OPCML: variants seen among roughly 807,000 people sequenced by gnomAD.
OPCML encodes opioid-binding protein/cell adhesion molecule.
A neutral mutation model predicts 37.8 loss-of-function variants in OPCML; 13 were observed. That is an observed-to-expected ratio of 0.34 (90% CI 0.22 to 0.55). The LOEUF is 0.55. OPCML is among the 20% of genes least tolerant of loss of function. The pLI, the probability that OPCML is intolerant of heterozygous loss-of-function variation, is 0.91. For missense variants in OPCML, 341 were observed against 435.6 expected (o/e 0.78, Z 1.93); for synonymous variants, 176 against 168.8 (o/e 1.04, Z -0.33).
intron 1 of OPCML, among the ~76,000 whole-genome samples, chr11:133,250,170 T>C (rs1941080222): frequency 6.6e-6 from 1 of 152,220 alleles, no homozygotes; most frequent in African/African-American, 2.4e-5. Flanking sequence ...ATAATAAGTA[T>C]GTTTAGTTTT....
chr11:132,539,752 T>C (rs1280343679), intron 3 of OPCML, among the ~76,000 whole-genome samples: 1 of 151,984 alleles, frequency 6.6e-6, no homozygotes, highest in Non-Finnish European at 1.5e-5. Context: ...ATGGTGATGA[T>C]AATGGTGATG....
At chr11:133,132,284 G>A (rs1339715146) in intron 1 of OPCML, among the ~76,000 whole-genome samples, 1 of 152,152 alleles carries the variant, frequency 6.6e-6, no homozygotes, top group Non-Finnish European at 1.5e-5. Flanking sequence ...ACAGATGCCT[G>A]ACATCGTGAG....
chr11:132,549,860 C>G (rs2096377519), intron 3 of OPCML, among the ~76,000 whole-genome samples: 1 of 152,172 alleles, frequency 6.6e-6, no homozygotes, highest in Admixed American at 6.5e-5. Context: ...AGCCCACCTC[C>G]TCAAACCTGA....
intron 4 of OPCML, among the ~76,000 whole-genome samples, chr11:132,482,499 G>T (rs1160017301): frequency 6.6e-6 from 1 of 152,138 alleles, no homozygotes; most frequent in East Asian, 1.9e-4. Flanking sequence ...ATACAAGGAG[G>T]AACTGGTACC....
intron 2 of OPCML, among the ~76,000 whole-genome samples, chr11:132,872,929 T>C (rs147661066): frequency 4.9e-4 from 74 of 152,190 alleles, no homozygotes; most frequent in African/African-American, 1.4e-3. Flanking sequence ...TTCTTTCTTT[T>C]TTTTTTTCTG....
intron 1 of OPCML, among the ~76,000 whole-genome samples, chr11:133,058,906 G>T (rs927864237): frequency 3.3e-5 from 5 of 152,240 alleles, no homozygotes; most frequent in African/African-American, 1.2e-4. Context: ...CCACAGGGAG[G>T]GTTCCAAGCT....
At chr11:132,733,266 G>C (rs1945143425) in intron 2 of OPCML, among the ~76,000 whole-genome samples, 1 of 152,016 alleles carries the variant, frequency 6.6e-6, no homozygotes, top group South Asian at 2.1e-4. Flanking sequence ...GGAGAGAGCA[G>C]GCAGTAAGAA....
At chr11:132,475,216 C>T (rs1013641564) in intron 4 of OPCML, among the ~76,000 whole-genome samples, 2 of 152,174 alleles carry the variant, frequency 1.3e-5, no homozygotes, top group Non-Finnish European at 2.9e-5. Flanking sequence ...CCTAAATCTC[C>T]AGTTATTAGA....
chr11:133,025,469 T>C (rs1565403910), intron 1 of OPCML: 18 of 985,314 alleles, frequency 1.8e-5, no homozygotes, highest in Middle Eastern at 5.2e-4. Context: ...TTATAACCCT[T>C]AACTATTTGG....
intron 1 of OPCML, among the ~76,000 whole-genome samples, chr11:133,319,277 T>C (rs925691565): frequency 6.6e-6 from 1 of 152,052 alleles, no homozygotes; most frequent in Non-Finnish European, 1.5e-5. Context: ...TGCACCCAGG[T>C]GAGATGGAAA....
At chr11:133,199,937 C>G (rs186557244) in intron 1 of OPCML, among the ~76,000 whole-genome samples, 291 of 152,288 alleles carry the variant, frequency 1.9e-3, no homozygotes, top group Non-Finnish European at 3.6e-3. Flanking sequence ...AAGGAATAAA[C>G]AAACTCAATC....
At chr11:132,871,250 T>G (rs2136393928) in intron 2 of OPCML, among the ~76,000 whole-genome samples, 1 of 151,774 alleles carries the variant, frequency 6.6e-6, no homozygotes, top group East Asian at 1.9e-4. Flanking sequence ...TCCCTATCTG[T>G]GGGTTCCACA....
intron 3 of OPCML, among the ~76,000 whole-genome samples, chr11:132,554,869 T>TG (rs2096390924): frequency 9.2e-6 from 1 of 108,948 alleles, no homozygotes; most frequent in Non-Finnish European, 1.7e-5. Flanking sequence ...TAAAGTTTTT[T>TG]TTTTTTTTTT....
chr11:132,809,423 G>A (rs1181122167), intron 2 of OPCML, among the ~76,000 whole-genome samples: 2 of 152,180 alleles, frequency 1.3e-5, no homozygotes, highest in African/African-American at 4.8e-5. Flanking sequence ...TTACCACTGT[G>A]CTTTGTGCCA....
At chr11:132,884,160 T>A (rs1943322762) in intron 2 of OPCML, among the ~76,000 whole-genome samples, 1 of 152,136 alleles carries the variant, frequency 6.6e-6, no homozygotes, top group Non-Finnish European at 1.5e-5. Context: ...AGTCACCATA[T>A]GAGAGAAAAT....
chr11:132,673,900 C>G (rs1359234324), intron 2 of OPCML, among the ~76,000 whole-genome samples: 1 of 152,150 alleles, frequency 6.6e-6, no homozygotes, highest in Non-Finnish European at 1.5e-5. Context: ...TATCCCATTC[C>G]TTCCTTCCCT....
At chr11:132,854,820 A>G (rs772691644) in intron 2 of OPCML, among the ~76,000 whole-genome samples, 6 of 152,222 alleles carry the variant, frequency 3.9e-5, no homozygotes, top group Non-Finnish European at 8.8e-5. Context: ...TTTGTGGGAC[A>G]TGTTGAAACT....
At chr11:132,422,544 T>G (rs1262266151) in intron 7 of OPCML, among the ~76,000 whole-genome samples, 1 of 152,172 alleles carries the variant, frequency 6.6e-6, no homozygotes, top group East Asian at 1.9e-4. Flanking sequence ...TCAGCCTGCT[T>G]AGGGCAATGA....
At chr11:133,266,349 C>T (rs1941658869) in intron 1 of OPCML, among the ~76,000 whole-genome samples, 1 of 152,160 alleles carries the variant, frequency 6.6e-6, no homozygotes, top group Non-Finnish European at 1.5e-5. Context: ...GGAGCCCTCA[C>T]CAACCTCCAA....
Sources: gnomAD v4.1 joint callset for allele counts (sites outside exome capture counted in the v4.1 genomes callset) on GRCh38, gnomAD v4.1.1 for gene constraint, MANE v1.5 for transcripts, NCBI Gene and HGNC (gene_info 2026-07-23, HGNC 2026-07-21) for gene names.